SCFD2: variants seen among roughly 807,000 people sequenced by gnomAD.
SCFD2 encodes sec1 family domain-containing protein 2.
A neutral mutation model predicts 58.9 loss-of-function variants in SCFD2; 54 were observed. The ratio of observed to expected loss-of-function variants is 0.92; its 90% CI spans 0.74 to 1.15. SCFD2 has a LOEUF of 1.15. SCFD2 is among the 50% of genes most tolerant of loss of function. SCFD2 has a pLI of 0.00. For missense variants in SCFD2, 805 were observed against 836.6 expected, an observed-to-expected ratio of 0.96 and a Z score of 0.47; for synonymous variants, 321 against 335.9, an observed-to-expected ratio of 0.96 and a Z score of 0.49.
chr4:52,967,970 A>G (rs1027711235), intron 5 of SCFD2, among the ~76,000 whole-genome samples: 2 of 152,212 alleles, frequency 1.3e-5, no homozygotes, highest in Admixed American at 6.5e-5. Flanking sequence ...TAATTCTACA[A>G]CTACAAGGAA....
rs1724969058 is a variant in SCFD2, at chr4:53,105,567, C to T, written c.1561+39766G>A. Among the ~76,000 whole-genome samples the T allele has an allele frequency of 5.3e-5, 8 of 152,188 alleles. No individual in the cohort carries two copies. In the South Asian group the frequency reaches 1.7e-3, roughly 31 times the overall value. On this transcript the variant is annotated intron_variant, in intron 5 of 8. Coordinates refer to ENST00000401642, the MANE Select transcript of SCFD2 (RefSeq NM_152540.4). ...TCCCCTAACAGTGTAAACAAAGCCACAGGGAAGTTCAAACAAGATGGAGCC... is the reference window on the plus strand; with the variant it reads ...TCCCCTAACAGTGTAAACAAAGCCATAGGGAAGTTCAAACAAGATGGAGCC...
intron 5 of SCFD2, among the ~76,000 whole-genome samples, chr4:53,139,081 G>A (rs370238216): frequency 6.6e-6 from 1 of 152,194 alleles, no homozygotes; most frequent in East Asian, 1.9e-4. Flanking sequence ...ATGTTGGCTG[G>A]CCTGGTCTCC....
At chr4:53,337,347 C>G (rs1338642249) in intron 2 of SCFD2, among the ~76,000 whole-genome samples, 3 of 152,282 alleles carry the variant, frequency 2.0e-5, no homozygotes, top group African/African-American at 2.4e-5. Flanking sequence ...TTAATTACCT[C>G]TTTAATTACC....
intron 5 of SCFD2, among the ~76,000 whole-genome samples, chr4:53,043,678 T>C (rs115646438): frequency 0.026 from 4,000 of 152,244 alleles, 83 homozygotes; most frequent in African/African-American, 0.054. Flanking sequence ...CCACTTTTTA[T>C]GTACTACAAG....
At chr4:53,324,348 T>A (rs1425441108) in intron 2 of SCFD2, among the ~76,000 whole-genome samples, 1 of 150,142 alleles carries the variant, frequency 6.7e-6, no homozygotes. Flanking sequence ...AGTCCAGGAA[T>A]TTGAGGCTAC....
At chr4:52,939,613 C>G (rs964379783) in intron 5 of SCFD2, among the ~76,000 whole-genome samples, 2 of 151,804 alleles carry the variant, frequency 1.3e-5, no homozygotes, top group Admixed American at 6.6e-5. Context: ...AGCTGACAAT[C>G]TAGTGTGGGC....
intron 4 of SCFD2, among the ~76,000 whole-genome samples, chr4:53,211,715 T>C (rs1728618792): frequency 6.6e-6 from 1 of 151,960 alleles, no homozygotes; most frequent in African/African-American, 2.4e-5. Flanking sequence ...ACAAATGTCT[T>C]CTTCTGTGTT....
intron 4 of SCFD2, among the ~76,000 whole-genome samples, chr4:53,207,475 AT>A (rs777499308): frequency 1.6e-5 from 1 of 62,206 alleles, no homozygotes; most frequent in African/African-American, 6.3e-5. Flanking sequence ...GTAGTTTGAA[AT>A]ATATTATATA....
At chr4:53,047,255 T>C (rs1723064580) in intron 5 of SCFD2, among the ~76,000 whole-genome samples, 1 of 152,006 alleles carries the variant, frequency 6.6e-6, no homozygotes. Flanking sequence ...CAAAACCAGC[T>C]TGGGCAACAT....
chr4:53,237,235 ACTT>A (rs1332380252), intron 4 of SCFD2, among the ~76,000 whole-genome samples: 1 of 149,250 alleles, frequency 6.7e-6, no homozygotes, highest in Non-Finnish European at 1.5e-5. Flanking sequence ...TCCCATGTCT[ACTT>A]CTTTCTACAC....
At chr4:53,270,099 A>G (rs921122612) in intron 4 of SCFD2, among the ~76,000 whole-genome samples, 2 of 152,136 alleles carry the variant, frequency 1.3e-5, no homozygotes, top group Non-Finnish European at 2.9e-5. Context: ...TTAGTAAACT[A>G]TATCCAGCGA....
At chr4:53,021,302 T>C (rs968698942) in intron 5 of SCFD2, among the ~76,000 whole-genome samples, 6 of 152,170 alleles carry the variant, frequency 3.9e-5, no homozygotes, top group African/African-American at 1.4e-4. Flanking sequence ...AAAGGATAAC[T>C]TGAAACCCAA....
At chr4:53,313,465 A>C (rs1490162210) in intron 3 of SCFD2, among the ~76,000 whole-genome samples, 171 bp downstream of exon 3, 1 of 152,240 alleles carries the variant, frequency 6.6e-6, no homozygotes, top group East Asian at 1.9e-4. Flanking sequence ...AAAAGTGGTC[A>C]TTGCTGAGCC....
intron 2 of SCFD2, among the ~76,000 whole-genome samples, chr4:53,352,181 C>T (rs1416125202): frequency 6.6e-6 from 1 of 152,140 alleles, no homozygotes; most frequent in East Asian, 1.9e-4. Context: ...TTGATATCCA[C>T]AGGTATATCA....
rs1233319108 is a variant in SCFD2, at chr4:52,948,559, C to T, written c.1562-27689G>A. On this transcript the variant is annotated intron_variant, in intron 5 of 8. Transcript: ENST00000401642. ...TGTACAGAACTAAACAAATGTAAGTCAGTGCTAATATTCTGTTCCTAGTGG... is the reference window on the plus strand; with the variant it reads ...TGTACAGAACTAAACAAATGTAAGTTAGTGCTAATATTCTGTTCCTAGTGG... 2.0e-5 allele frequency: 9 copies of T among 456,022 alleles called. No homozygotes were observed. In the Admixed American group the frequency reaches 2.1e-4, roughly 11 times the overall value. The allele number at this position is 456,022 out of a possible 1,614,324, so 28.2% of individuals were successfully genotyped here.
chr4:53,005,120 A>T (rs1351438395), intron 5 of SCFD2, among the ~76,000 whole-genome samples: 2 of 151,930 alleles, frequency 1.3e-5, no homozygotes, highest in African/African-American at 4.8e-5. Context: ...CTGGTCTCGA[A>T]CTCCTGACCT....
chr4:53,174,891 G>A (rs1377683879), intron 4 of SCFD2, among the ~76,000 whole-genome samples: 1 of 152,164 alleles, frequency 6.6e-6, no homozygotes, highest in Non-Finnish European at 1.5e-5. Flanking sequence ...TTATAAGAAC[G>A]ATTTATGTCA....
At chr4:52,952,742 G>A (rs2109532018) in intron 5 of SCFD2, among the ~76,000 whole-genome samples, 1 of 152,270 alleles carries the variant, frequency 6.6e-6, no homozygotes, top group Admixed American at 6.5e-5. Context: ...ATTACAATCT[G>A]TTAGAGATAA....
intron 5 of SCFD2, among the ~76,000 whole-genome samples, chr4:53,082,159 T>C (rs534396320): frequency 3.9e-5 from 6 of 152,340 alleles, no homozygotes; most frequent in South Asian, 2.1e-4. Context: ...TTAACATTCA[T>C]ATATAAGGTT....
Sources: gnomAD v4.1 joint callset for allele counts (sites outside exome capture counted in the v4.1 genomes callset) on GRCh38, gnomAD v4.1.1 for gene constraint, MANE v1.5 for transcripts, NCBI Gene and HGNC (gene_info 2026-07-23, HGNC 2026-07-21) for gene names.